TAFA2: variants seen among roughly 807,000 people sequenced by gnomAD.
TAFA2 encodes the protein TAFA chemokine like family member 2, also known as chemokine-like protein TAFA-2.
Under a neutral mutation model 18.8 loss-of-function variants are expected in TAFA2, and 7 were observed. The ratio of observed to expected loss-of-function variants is 0.37; its 90% confidence interval spans 0.21 to 0.70. The LOEUF (loss-of-function observed/expected upper bound fraction) is 0.70. Among genes scored for constraint, TAFA2 ranks in the 30% least tolerant of loss-of-function variants. TAFA2 has a pLI of 0.53. For synonymous variants in TAFA2, 60 were observed against 54.2 expected (o/e 1.11, Z -0.47); for missense variants, 122 against 158.1 (o/e 0.77, Z 1.23).
intron 1 of TAFA2, among the ~76,000 whole-genome samples, chr12:62,147,326 GTA>G (rs1219861920): frequency 0.042 from 815 of 19,360 alleles, 4 homozygotes; most frequent in African/African-American, 0.061. Flanking sequence ...GTGTATGTAT[GTA>G]TATATATATA....
intron 1 of TAFA2, among the ~76,000 whole-genome samples, chr12:61,982,053 A>G (rs1879653200): frequency 6.6e-6 from 1 of 152,234 alleles, no homozygotes; most frequent in South Asian, 2.1e-4. Context: ...ATGTCCATCA[A>G]TGATAGACTG....
intron 1 of TAFA2, among the ~76,000 whole-genome samples, chr12:61,931,602 G>C (rs1592495797): frequency 6.6e-6 from 1 of 152,216 alleles, no homozygotes; most frequent in East Asian, 1.9e-4. Flanking sequence ...TATCTGTTCT[G>C]CTTCTCCCAG....
intron 1 of TAFA2, among the ~76,000 whole-genome samples, chr12:62,217,492 G>A (rs115988201): frequency 0.015 from 2,354 of 152,340 alleles, 82 homozygotes; most frequent in African/African-American, 0.054. Flanking sequence ...GACTAAAACT[G>A]TCTGTTATGA....
chr12:62,194,650 C>G (rs1217191440), upstream of TAFA2, among the ~76,000 whole-genome samples: 1 of 152,080 alleles, frequency 6.6e-6, no homozygotes, highest in Non-Finnish European at 1.5e-5. Context: ...TTCCTATTTC[C>G]AGCATCTCCT....
chr12:61,803,614 GAACATA>G (rs1871485668), intron 2 of TAFA2, among the ~76,000 whole-genome samples: 2 of 151,706 alleles, frequency 1.3e-5, no homozygotes, highest in Non-Finnish European at 3.0e-5. Flanking sequence ...CATAATACTT[GAACATA>G]AACATCATTT....
intron 2 of TAFA2, among the ~76,000 whole-genome samples, chr12:61,760,035 A>T (rs1869460877): frequency 6.6e-6 from 1 of 151,262 alleles, no homozygotes; most frequent in East Asian, 2.0e-4. Flanking sequence ...AGGAAGGGAC[A>T]AATGGTAGCC....
At chr12:61,923,822 A>G (rs1203820421) in intron 1 of TAFA2, among the ~76,000 whole-genome samples, 1 of 152,026 alleles carries the variant, frequency 6.6e-6, no homozygotes. Flanking sequence ...AACCCAATGC[A>G]AGGAAGCTAA....
intron 4 of TAFA2, among the ~76,000 whole-genome samples, chr12:61,739,605 T>C (rs1260094467): frequency 6.6e-6 from 1 of 152,038 alleles, no homozygotes; most frequent in Non-Finnish European, 1.5e-5. Context: ...TATTTTAAAG[T>C]TACCATTAAC....
intron 4 of TAFA2, among the ~76,000 whole-genome samples, chr12:61,751,351 G>A (rs1057157541): frequency 4.0e-5 from 6 of 151,870 alleles, no homozygotes; most frequent in Admixed American, 2.0e-4. Flanking sequence ...GTGTTCCTTT[G>A]GTTGAAAATG....
chr12:61,872,918 T>C (rs1166552852), intron 1 of TAFA2, among the ~76,000 whole-genome samples: 1 of 152,172 alleles, frequency 6.6e-6, no homozygotes, highest in Non-Finnish European at 1.5e-5. Context: ...TTTATTCTAA[T>C]CTAAAATTAT....
intron 1 of TAFA2, among the ~76,000 whole-genome samples, chr12:62,150,861 G>A (rs1166606645): frequency 2.6e-5 from 4 of 151,526 alleles, no homozygotes; most frequent in African/African-American, 9.7e-5. Flanking sequence ...CTGCACTTCA[G>A]CCTGGGCAAC....
At chr12:61,774,609 G>A (rs1016023991) in intron 2 of TAFA2, among the ~76,000 whole-genome samples, 4 of 151,692 alleles carry the variant, frequency 2.6e-5, no homozygotes, top group Non-Finnish European at 4.4e-5. Flanking sequence ...ATAAGTGGAA[G>A]CTAAGTTATG....
intron 4 of TAFA2, among the ~76,000 whole-genome samples, chr12:61,732,248 T>C (rs1870484795): frequency 6.6e-6 from 1 of 152,010 alleles, no homozygotes; most frequent in Non-Finnish European, 1.5e-5. Flanking sequence ...ATGAAAAAAG[T>C]ACAAAAGGGT....
intron 2 of TAFA2, among the ~76,000 whole-genome samples, chr12:61,865,652 T>C (rs1874322860): frequency 6.6e-6 from 1 of 152,214 alleles, no homozygotes; most frequent in Non-Finnish European, 1.5e-5. Context: ...GCATAGAACA[T>C]AACACTATTT....
At chr12:62,196,878 T>C (rs911122092), upstream of TAFA2, among the ~76,000 whole-genome samples, 6 of 152,040 alleles carry the variant, frequency 3.9e-5, no homozygotes, top group Admixed American at 2.6e-4. Flanking sequence ...AAGAAAATAA[T>C]AATAATAAAT....
rs778879950 is a variant in TAFA2 at position 61,867,417 on chromosome 12, C to T, written c.9G>A (p.Lys3=). ...CTTTTGTTGCTTTCTGTAAGTATCTCTTACTCATCCTGCAAATAAAAAAAT... is the reference window on the plus strand; with the variant it reads ...CTTTTGTTGCTTTCTGTAAGTATCTTTTACTCATCCTGCAAATAAAAAAAT... MS[K]RYLQKATKGK... is the part of the protein sequence containing the mutation. Residue 3 remains lysine (K), a synonymous_variant, in exon 2 of 5, where the codon AAG becomes AAA. Transcript: ENST00000416284. 6.5e-7 allele frequency: 1 copy of T among 1,527,412 alleles called. No individual in the cohort carries two copies. Among genetic ancestry groups the T allele is most frequent in the Non-Finnish European group, 9.0e-7 (1 of 1,109,274 alleles). The allele number at this position is 1,527,412 out of a possible 1,614,324, so 94.6% of individuals were successfully genotyped here.
intron 1 of TAFA2, among the ~76,000 whole-genome samples, chr12:62,187,508 T>A (rs186175728): frequency 6.6e-6 from 1 of 152,202 alleles, no homozygotes; most frequent in African/African-American, 2.4e-5. Context: ...TATGTATGTA[T>A]GTATGCATGT....
chr12:61,855,367 G>A (rs1873840846), intron 2 of TAFA2, among the ~76,000 whole-genome samples: 1 of 152,048 alleles, frequency 6.6e-6, no homozygotes, highest in Non-Finnish European at 1.5e-5. Context: ...ACCTGTACTA[G>A]GCTACTACTT....
intron 4 of TAFA2, among the ~76,000 whole-genome samples, chr12:61,746,980 C>A (rs563054520): frequency 1.4e-3 from 220 of 152,050 alleles, no homozygotes; most frequent in Non-Finnish European, 2.6e-3. Flanking sequence ...TGACAAAGGG[C>A]TAATATCCAG....
Sources: allele counts gnomAD v4.1 joint callset (sites outside exome capture counted in the v4.1 genomes callset), GRCh38; gene constraint gnomAD v4.1.1; transcripts MANE v1.5; gene names NCBI Gene and HGNC (gene_info 2026-07-23, HGNC 2026-07-21).